FRS2: variants seen among roughly 807,000 people sequenced by gnomAD.
The protein encoded by FRS2 is FGFR signalling adaptor.
Under a neutral mutation model 43.9 loss-of-function variants are expected in FRS2, and 8 were observed. The observed-to-expected ratio is 0.18, with a 90% confidence interval of 0.11 to 0.33. The LOEUF is 0.33. Among genes scored for constraint, FRS2 ranks in the 10% least tolerant of loss-of-function variants. The pLI, the probability that FRS2 is intolerant of heterozygous loss-of-function variation, is 1.00. For missense variants in FRS2, 534 were observed against 627.6 expected, an observed-to-expected ratio of 0.85 and a Z score of 1.59; for synonymous variants, 219 against 220.3, an observed-to-expected ratio of 0.99 and a Z score of 0.05.
At chr12:69,496,993 A>G (rs1207895123) in intron 1 of FRS2, among the ~76,000 whole-genome samples, 1 of 152,232 alleles carries the variant, frequency 6.6e-6, no homozygotes, top group African/African-American at 2.4e-5. Context: ...AAGCAAAGAT[A>G]TAAAATGGAT....
At chr12:69,518,374 G>C (rs1242203499) in intron 1 of FRS2, among the ~76,000 whole-genome samples, 1 of 151,662 alleles carries the variant, frequency 6.6e-6, no homozygotes, top group African/African-American at 2.4e-5. Context: ...AATGAAGATA[G>C]TGTTTTCCTT....
chr12:69,475,388 G>A (rs191937692), intron 1 of FRS2, among the ~76,000 whole-genome samples: 1 of 152,156 alleles, frequency 6.6e-6, no homozygotes, highest in Non-Finnish European at 1.5e-5. Context: ...CTTTGTCTGG[G>A]CTGTTTGGCT....
At chr12:69,534,798 A>G (rs1384612067) in intron 3 of FRS2, among the ~76,000 whole-genome samples, 1 of 152,176 alleles carries the variant, frequency 6.6e-6, no homozygotes, top group Non-Finnish European at 1.5e-5. Context: ...TACAGTTTAG[A>G]TGAAAAAGGT....
chr12:69,494,496 T>C (rs1872717774), intron 1 of FRS2, among the ~76,000 whole-genome samples: 1 of 152,254 alleles, frequency 6.6e-6, no homozygotes, highest in Admixed American at 6.5e-5. Context: ...GCTGGAATTC[T>C]AACTCAGTTC....
intron 5 of FRS2, among the ~76,000 whole-genome samples, chr12:69,569,746 C>G (rs953195639): frequency 6.6e-6 from 1 of 152,136 alleles, no homozygotes; most frequent in Non-Finnish European, 1.5e-5. Flanking sequence ...ACATGTAAAG[C>G]TCTTTTCCTA....
chr12:69,494,681 C>T (rs1872727998), intron 1 of FRS2, among the ~76,000 whole-genome samples: 2 of 152,192 alleles, frequency 1.3e-5, no homozygotes, highest in Non-Finnish European at 2.9e-5. Flanking sequence ...AGGAGGCAGT[C>T]ACTCTCAGGA....
intron 1 of FRS2, among the ~76,000 whole-genome samples, chr12:69,480,147 T>A (rs1871227554): frequency 6.6e-6 from 1 of 152,228 alleles, no homozygotes; most frequent in African/African-American, 2.4e-5. Flanking sequence ...AATTTACCAT[T>A]TAACCATTTT....
intron 4 of FRS2, among the ~76,000 whole-genome samples, chr12:69,562,537 A>G (rs1565776595): frequency 6.6e-6 from 1 of 151,666 alleles, no homozygotes; most frequent in Non-Finnish European, 1.5e-5. Flanking sequence ...TGCTGACACC[A>G]CCCCCCTGCT....
chr12:69,516,682 C>T (rs1445033608), intron 1 of FRS2, among the ~76,000 whole-genome samples: 1 of 152,036 alleles, frequency 6.6e-6, no homozygotes, highest in Non-Finnish European at 1.5e-5. Context: ...TATACTATAC[C>T]TTTTGTCCTT....
Position 69,521,894 on chromosome 12 carries a change from G to A in FRS2, c.-260-8971G>A, listed in dbSNP as rs140464145. Among the ~76,000 whole-genome samples the A allele has an allele frequency of 3.3e-3, 504 of 152,282 alleles. 2 individuals are homozygous for A. Among genetic ancestry groups the A allele is most frequent in the African/African-American group, 0.012 (481 of 41,566 alleles). ...CTCCCAAAGTGCTGGGATTATAGGC[G>A]TGAGCCACCGCGCCCAGCCTTGTTG... On this transcript the variant is annotated intron_variant, in intron 1 of 8. Transcript: ENST00000549921.
chr12:69,506,505 T>G (rs1873940385), intron 1 of FRS2, among the ~76,000 whole-genome samples: 1 of 152,130 alleles, frequency 6.6e-6, no homozygotes, highest in Admixed American at 6.6e-5. Context: ...CTCATCTGAC[T>G]GATAACGTAT....
At chr12:69,516,222 T>G (rs1592971512) in intron 1 of FRS2, among the ~76,000 whole-genome samples, 1 of 97,276 alleles carries the variant, frequency 1.0e-5, no homozygotes, top group Non-Finnish European at 2.4e-5. Flanking sequence ...ATTATTACTA[T>G]TTTTTTTTTT....
chr12:69,544,729 A>G (rs975326944), intron 3 of FRS2, among the ~76,000 whole-genome samples: 2 of 152,072 alleles, frequency 1.3e-5, no homozygotes, highest in African/African-American at 4.8e-5. Flanking sequence ...TAATAAATAA[A>G]TAAATAAAAG....
At chr12:69,561,063 C>T (rs954339923) in intron 3 of FRS2, among the ~76,000 whole-genome samples, 11 of 152,052 alleles carry the variant, frequency 7.2e-5, no homozygotes, top group African/African-American at 2.2e-4. Flanking sequence ...TTAAAAGAGT[C>T]GGGCAAAGAG....
intron 1 of FRS2, among the ~76,000 whole-genome samples, chr12:69,492,377 A>G (rs529586909): frequency 7.9e-4 from 120 of 152,308 alleles, no homozygotes; most frequent in Non-Finnish European, 1.4e-3. Context: ...GGGGATCCTG[A>G]TATCTGTGAT....
At chr12:69,485,253 G>A (rs769853097) in intron 1 of FRS2, among the ~76,000 whole-genome samples, 1 of 151,984 alleles carries the variant, frequency 6.6e-6, no homozygotes, top group Non-Finnish European at 1.5e-5. Context: ...CGCCGTCTCC[G>A]CTCACTGAAA....
intron 1 of FRS2, among the ~76,000 whole-genome samples, chr12:69,478,199 G>A (rs1857114813): frequency 6.6e-6 from 1 of 151,950 alleles, no homozygotes; most frequent in Non-Finnish European, 1.5e-5. Flanking sequence ...ACTTTTAAGG[G>A]GGATTTAATC....
At chr12:69,539,011 ATTATCC>A (rs749892461) in intron 3 of FRS2, among the ~76,000 whole-genome samples, 9 of 152,220 alleles carry the variant, frequency 5.9e-5, no homozygotes, top group Admixed American at 3.3e-4. Flanking sequence ...ATACAAGTTG[ATTATCC>A]TTATCCTTAT....
Position 69,479,145 on chromosome 12 carries a change from T to A in FRS2, c.-261+8615T>A, listed in dbSNP as rs146114517. ...ATCTGAGACCTCTGATCTAGGACCA[T>A]TTTTCTTTGTGTGAAGTACATCTTT... is the stretch of plus-strand genomic sequence containing the variant. On this transcript the variant is annotated intron_variant, in intron 1 of 8. Coordinates refer to ENST00000549921, the MANE Select transcript of FRS2 (RefSeq NM_001278356.2). 2.2e-3 allele frequency among the ~76,000 whole-genome samples: 342 copies of A among 152,200 alleles called. 1 individual carries two copies. The highest frequency in any genetic ancestry group is 7.9e-3 in the African/African-American group (330 of 41,552).
Sources: allele counts gnomAD v4.1 joint callset (sites outside exome capture counted in the v4.1 genomes callset), GRCh38; gene constraint gnomAD v4.1.1; transcripts MANE v1.5; gene names NCBI Gene and HGNC (gene_info 2026-07-23, HGNC 2026-07-21).